CLVS1: variants seen among roughly 807,000 people sequenced by gnomAD.
CLVS1 encodes clavesin-1.
Under a neutral mutation model 33.1 loss-of-function variants are expected in CLVS1, and 10 were observed. The observed-to-expected ratio is 0.30, with a 90% confidence interval of 0.19 to 0.51. The LOEUF is 0.51. Among genes scored for constraint, CLVS1 ranks in the 20% least tolerant of loss-of-function variants. The pLI, the probability that CLVS1 is intolerant of heterozygous loss-of-function variation, is 0.97. For missense variants in CLVS1, 343 were observed against 433.4 expected (o/e 0.79, Z 1.85); for synonymous variants, 163 against 166.1 (o/e 0.98, Z 0.14).
intron 2 of CLVS1, among the ~76,000 whole-genome samples, chr8:61,162,758 G>A (rs188613562): frequency 4.9e-4 from 74 of 152,212 alleles, no homozygotes; most frequent in African/African-American, 1.7e-3. Context: ...AAACTATTGG[G>A]TACAACATGG....
At chr8:61,004,067 C>T in the CLVS1 span, among the ~76,000 whole-genome samples, 4 of 152,096 alleles carry the variant, frequency 2.6e-5, no homozygotes, top group Non-Finnish European at 5.9e-5. Flanking sequence ...AGAGAGGAGT[C>T]GATTCAGACA....
chr8:61,133,322 C>G (rs1278991814), intron 2 of CLVS1, among the ~76,000 whole-genome samples: 1 of 152,070 alleles, frequency 6.6e-6, no homozygotes, highest in East Asian at 1.9e-4. Context: ...GGAAATCTCC[C>G]CAGGAGATAT....
At chr8:61,050,348 C>T in the CLVS1 span, among the ~76,000 whole-genome samples, 2 of 152,240 alleles carry the variant, frequency 1.3e-5, no homozygotes, top group African/African-American at 4.8e-5. Flanking sequence ...GCTTTGCTTG[C>T]ATCTCCCACT....
chr8:61,198,598 T>C (rs1293601655), intron 2 of CLVS1, among the ~76,000 whole-genome samples: 1 of 152,182 alleles, frequency 6.6e-6, no homozygotes, highest in Non-Finnish European at 1.5e-5. Context: ...CAGGCTGGTC[T>C]CAAAGTCCTG....
chr8:61,251,958 A>G (rs1808959071), intron 2 of CLVS1, among the ~76,000 whole-genome samples: 1 of 151,732 alleles, frequency 6.6e-6, no homozygotes, highest in Admixed American at 6.6e-5. Context: ...TCTTCTGCTA[A>G]TTTTTGAATT....
chr8:61,174,494 A>C (rs1329295820), intron 2 of CLVS1, among the ~76,000 whole-genome samples: 1 of 152,082 alleles, frequency 6.6e-6, no homozygotes, highest in Non-Finnish European at 1.5e-5. Context: ...TAAAGACCAA[A>C]ATTCAACTTC....
chr8:61,146,169 G>GA (rs200445779), intron 2 of CLVS1, among the ~76,000 whole-genome samples: 7 of 151,322 alleles, frequency 4.6e-5, no homozygotes, highest in South Asian at 2.1e-4. Flanking sequence ...GGCTTCACAG[G>GA]AAAAAAAAAT....
intron 2 of CLVS1, among the ~76,000 whole-genome samples, chr8:61,349,436 A>AGGT (rs1284498885): frequency 6.6e-6 from 1 of 152,048 alleles, no homozygotes; most frequent in African/African-American, 2.4e-5. Context: ...GAGGAGGAGG[A>AGGT]GGGAAAAGAG....
intron 2 of CLVS1, among the ~76,000 whole-genome samples, chr8:61,273,446 T>C (rs1430612057): frequency 6.6e-6 from 1 of 152,172 alleles, no homozygotes; most frequent in Non-Finnish European, 1.5e-5. Context: ...GTCTTTTTGT[T>C]TGTCTGTGCC....
At chr8:61,482,665 A>G (rs1319825604) in intron 5 of CLVS1, among the ~76,000 whole-genome samples, 1 of 152,168 alleles carries the variant, frequency 6.6e-6, no homozygotes, top group African/African-American at 2.4e-5. Context: ...AAGAAAGAAT[A>G]AAAAGAAATG....
chr8:61,200,939 T>A (rs951417754), intron 2 of CLVS1, among the ~76,000 whole-genome samples: 2 of 152,216 alleles, frequency 1.3e-5, no homozygotes, highest in Non-Finnish European at 2.9e-5. Flanking sequence ...ATGTACCATA[T>A]GATTTTGGGG....
chr8:61,261,749 C>T (rs903847416), intron 2 of CLVS1, among the ~76,000 whole-genome samples: 2 of 152,180 alleles, frequency 1.3e-5, no homozygotes, highest in African/African-American at 4.8e-5. Flanking sequence ...GAACCTGAAT[C>T]TGCTGATGTC....
chr8:61,137,445 G>T (rs540799614), intron 2 of CLVS1, among the ~76,000 whole-genome samples: 10 of 152,224 alleles, frequency 6.6e-5, no homozygotes, highest in African/African-American at 2.4e-4. Context: ...TAGAAAATGG[G>T]GATAATACTT....
At chr8:61,245,331 C>A (rs574787388) in intron 2 of CLVS1, among the ~76,000 whole-genome samples, 2 of 151,708 alleles carry the variant, frequency 1.3e-5, no homozygotes, top group Non-Finnish European at 2.9e-5. Context: ...CATAGGCATG[C>A]GCCACCATGC....
chr8:61,114,395 G>C (rs1286646279), intron 1 of CLVS1, among the ~76,000 whole-genome samples: 1 of 152,184 alleles, frequency 6.6e-6, no homozygotes, highest in Non-Finnish European at 1.5e-5. Context: ...AAAATTTTGA[G>C]CTAGCTAGTC....
chr8:61,427,758 A>T lies in CLVS1; in HGVS notation c.631-26383A>T, dbSNP rs1315328912. The stretch of plus-strand genomic sequence containing the variant: ...AGCAGCAAAAATGTTTGTGCCTACA[A>T]TGTGATGTCACATTCTCAAAGATTT... On this transcript the variant is annotated intron_variant, in intron 3 of 5. Transcript: ENST00000325897. 2.0e-5 allele frequency among the ~76,000 whole-genome samples: 3 copies of T among 152,248 alleles called. No individual in the cohort carries two copies. In the East Asian group the frequency reaches 5.8e-4, roughly 29 times the overall value.
chr8:61,049,433 A>G, the CLVS1 span, among the ~76,000 whole-genome samples: 1 of 152,220 alleles, frequency 6.6e-6, no homozygotes, highest in East Asian at 1.9e-4. Context: ...CAATATACAG[A>G]GAGAATGCAT....
At chr8:61,424,697 C>A (rs1020039666) in intron 3 of CLVS1, among the ~76,000 whole-genome samples, 1 of 152,114 alleles carries the variant, frequency 6.6e-6, no homozygotes, top group African/African-American at 2.4e-5. Context: ...CTTTTTGTCT[C>A]CAATATTCCC....
intron 3 of CLVS1, among the ~76,000 whole-genome samples, chr8:61,429,587 C>T (rs1032221422): frequency 6.6e-6 from 1 of 152,072 alleles, no homozygotes; most frequent in Admixed American, 6.5e-5. Flanking sequence ...CTCTCAATGT[C>T]GTTGTATTGG....
Sources: allele counts gnomAD v4.1 joint callset (sites outside exome capture counted in the v4.1 genomes callset), GRCh38; gene constraint gnomAD v4.1.1; transcripts MANE v1.5; gene names NCBI Gene and HGNC (gene_info 2026-07-23, HGNC 2026-07-21).